Variants in TMEM161A observed in about 807,000 individuals in gnomAD.
The protein encoded by TMEM161A is transmembrane protein 161A, also known as adaptive response to oxidative stress protein 29.
Under a neutral mutation model 57.1 loss-of-function variants are expected in TMEM161A, and 46 were observed. The ratio of observed to expected loss-of-function variants is 0.81; its 90% CI spans 0.64 to 1.03. The LOEUF is 1.03. Ranked by LOEUF, TMEM161A falls within the 50% of genes least tolerant of loss-of-function variation. The pLI, the probability that TMEM161A is intolerant of heterozygous loss-of-function variation, is 0.00. For missense variants in TMEM161A, 601 were observed against 621.5 expected, an observed-to-expected ratio of 0.97 and a Z score of 0.35; for synonymous variants, 288 against 279.0, an observed-to-expected ratio of 1.03 and a Z score of -0.32.
chr19:19,121,546 G>C lies in TMEM161A; in HGVS notation c.779C>G (p.Ser260Trp), dbSNP rs148244636. The part of the protein sequence containing the change: ...AQTHRDALTM[S>W]EDRPMLQFLL... ...TAACTGCAGCATGGGTCTGTCCTCC[G>C]ACATGGTCAGTGCGTCCCGGTGGGT... The change falls in exon 8 of 12, where the codon TCG (serine) becomes TGG (tryptophan). Residue 260 changes from serine to tryptophan, a missense_variant. Coordinates refer to ENST00000162044, the MANE Select transcript of TMEM161A (RefSeq NM_017814.3). This position sits in a 1 kb window ranked among gnomAD's most constrained non-coding sequence, Gnocchi z 5.8. 7.8e-5 allele frequency: 126 copies of C among 1,613,818 alleles called. No homozygotes were observed. The highest frequency in any genetic ancestry group is 1.0e-4 in the Non-Finnish European group (120 of 1,179,980).
chr19:19,132,870 C>T lies in TMEM161A; in HGVS notation c.189-116G>A, dbSNP rs769036521. 2.3e-6 allele frequency: 2 copies of T among 887,276 alleles called. No individual in the cohort carries two copies. The highest frequency in any genetic ancestry group is 3.4e-6 in the Non-Finnish European group (2 of 589,624). The allele number at this position is 887,276 out of a possible 1,614,324, so 55.0% of individuals were successfully genotyped here. ...CCATCTCTTTCCACAACCTTGGCTC[C>T]TCTGCACACTGGGATATGGGGATCC... On this transcript the variant is annotated intron_variant, in intron 3 of 11. Coordinates refer to ENST00000162044, the MANE Select transcript of TMEM161A (RefSeq NM_017814.3). This position sits in a 1 kb window ranked among gnomAD's most constrained non-coding sequence, Gnocchi z 4.3.
At chr19:19,128,847 T>C (rs775181522) in intron 6 of TMEM161A, among the ~76,000 whole-genome samples, 1 of 152,138 alleles carries the variant, frequency 6.6e-6, no homozygotes, top group African/African-American at 2.4e-5. Flanking sequence ...CATCTAAATA[T>C]ACTTAATGCC....
At chr19:19,131,111 T>C (rs2059956199) in intron 5 of TMEM161A, among the ~76,000 whole-genome samples, 1 of 152,042 alleles carries the variant, frequency 6.6e-6, no homozygotes, top group Non-Finnish European at 1.5e-5. Flanking sequence ...TCCCAGCTAC[T>C]TGGGAGGCTG....
rs1423257723 is a variant in TMEM161A at position 19,132,076 on chromosome 19, G to A, written c.443+276C>T. 6.6e-6 allele frequency among the ~76,000 whole-genome samples: 1 copy of A among 152,174 alleles called. No individual in the cohort carries two copies. The highest frequency in any genetic ancestry group is 1.5e-5 in the Non-Finnish European group (1 of 68,030). On this transcript the variant is annotated intron_variant, in intron 5 of 11. Coordinates refer to ENST00000162044, the MANE Select transcript of TMEM161A (RefSeq NM_017814.3). This position sits in a 1 kb window ranked among gnomAD's most constrained non-coding sequence, Gnocchi z 4.3. Reference sequence around the variant, plus strand: ...TGGTAGAAAGAATAGGGATGGGGTGGGTGACTTTGGGCAAGGCATTCCCTC... The same window carrying A: ...TGGTAGAAAGAATAGGGATGGGGTGAGTGACTTTGGGCAAGGCATTCCCTC...
intron 6 of TMEM161A, among the ~76,000 whole-genome samples, chr19:19,122,418 T>C (rs975324575): frequency 6.6e-6 from 1 of 152,160 alleles, no homozygotes; most frequent in African/African-American, 2.4e-5. Flanking sequence ...GAAGGACTCC[T>C]GCAGGAGAAA....
intron 6 of TMEM161A, among the ~76,000 whole-genome samples, chr19:19,126,695 C>A (rs2059932968): frequency 6.6e-6 from 1 of 152,028 alleles, no homozygotes. Context: ...CATGGCAAAA[C>A]CCCATCTCTA....
In TMEM161A at chr19:19,132,366, C is replaced by T. The variant is rs964132; in HGVS notation, c.429G>A (p.Thr143=). The change falls in exon 5 of 12, where the codon ACG becomes ACA. Residue 143 remains threonine, a synonymous_variant. Transcript: ENST00000162044. This position sits in a 1 kb window ranked among gnomAD's most constrained non-coding sequence, Gnocchi z 4.3. The part of the protein sequence containing the change: ...TNIAVFWCLL[T]VTFSIKMFLT... ...AGGAAGGATACATGGAGAAGGTCACCGTGAGCAGGCACCAGAACACAGCAA... is the reference window on the plus strand; with the variant it reads ...AGGAAGGATACATGGAGAAGGTCACTGTGAGCAGGCACCAGAACACAGCAA... 62,983 of 1,613,058 alleles carry T rather than the reference C, an allele frequency of 0.039. 3,716 individuals carry two copies. Among genetic ancestry groups the T allele is most frequent in the East Asian group, 0.32 (14,260 of 44,858 alleles).
At position 19,121,952 on chromosome 19, in the gene TMEM161A, T is replaced by A; in HGVS notation, c.596-133A>T. 1 of 959,534 alleles carries A rather than the reference T, an allele frequency of 1.0e-6. No individual in the cohort carries two copies. The highest frequency in any genetic ancestry group is 1.6e-5 in the South Asian group (1 of 62,238). The allele number at this position is 959,534 out of a possible 1,614,324, so 59.4% of individuals were successfully genotyped here. Reference sequence around the variant, plus strand: ...GAATGAACAAGGGTCTGCCAGGCCCTGAGCCAGGCACAAGGACAATTTTGT... The same window carrying A: ...GAATGAACAAGGGTCTGCCAGGCCCAGAGCCAGGCACAAGGACAATTTTGT... On this transcript the variant is annotated intron_variant, in intron 6 of 11. Transcript: ENST00000162044. This position sits in a 1 kb window ranked among gnomAD's most constrained non-coding sequence, Gnocchi z 5.8.
intron 2 of TMEM161A, among the ~76,000 whole-genome samples, chr19:19,133,566 G>A (rs144132681): frequency 4.1e-4 from 62 of 152,232 alleles, no homozygotes; most frequent in African/African-American, 1.1e-3. Context: ...CCACTTCCCC[G>A]GTTCAAGTGA....
At position 19,121,425 on chromosome 19, in the gene TMEM161A, G is replaced by A. The variant is rs1426274466; in HGVS notation, c.801-4C>T. 2 of 1,613,900 alleles carry A rather than the reference G, an allele frequency of 1.2e-6. No homozygotes were observed. Among genetic ancestry groups the A allele is most frequent in the Non-Finnish European group, 1.7e-6 (2 of 1,179,826 alleles). On this transcript the variant is annotated splice_polypyrimidine_tract_variant and splice_region_variant and intron_variant, in intron 8 of 11. Coordinates refer to ENST00000162044, the MANE Select transcript of TMEM161A (RefSeq NM_017814.3). The surrounding 1 kb of genome is among the most constrained non-coding windows in gnomAD (Gnocchi z 5.8). ...GAAGCTGGTGTGCAGGAGGAACCTG[G>A]GGGGTGAGGGCAGGAGGGAGTGAGG...
At chr19:19,120,639 A>G in intron 11 of TMEM161A, 126 bp downstream of exon 11, 2 of 856,464 alleles carry the variant, frequency 2.3e-6, no homozygotes, top group Admixed American at 2.1e-5. Flanking sequence ...CTGCCTTACC[A>G]CAGTCTCCGC....
Position 19,121,354 on chromosome 19 carries a change from G to C in TMEM161A, c.868C>G (p.Arg290Gly). The C allele has an allele frequency of 6.3e-7, 1 of 1,598,352 alleles. No individual in the cohort carries two copies. The stretch of plus-strand genomic sequence containing the variant: ...AACGGCGGCTGGTGCAGGAAGTCCC[G>C]TGCAATGGGCTTTGTCCAGAGCCAC... ...ILWLWTKPIA[R>G]DFLHQPPFGE... Residue 290 changes from arginine (R) to glycine (G), a missense_variant, in exon 9 of 12, where the codon CGG (arginine) becomes GGG (glycine). Physicochemically the swap from Arg to Gly is moderately radical, Grantham distance 125. Coordinates refer to ENST00000162044, the MANE Select transcript of TMEM161A (RefSeq NM_017814.3). This position sits in a 1 kb window ranked among gnomAD's most constrained non-coding sequence, Gnocchi z 5.8.
rs760060215 is a variant in TMEM161A at position 19,121,683 on chromosome 19, G to A, written c.657-15C>T. The A allele has an allele frequency of 6.2e-7, 1 of 1,612,764 alleles. No individual in the cohort carries two copies. The highest frequency in any genetic ancestry group is 2.2e-5 in the East Asian group (1 of 44,818). On this transcript the variant is annotated splice_polypyrimidine_tract_variant and intron_variant, in intron 7 of 11. Transcript: ENST00000162044. The surrounding 1 kb of genome is among the most constrained non-coding windows in gnomAD (Gnocchi z 5.8). ...CCACAGGAAGCCTAGGAGAACACCA[G>A]GTCACGAGCCTGCCTGGGGGACCCT...
In TMEM161A at chr19:19,132,835, G is replaced by A; in HGVS notation, c.189-81C>T. 2 of 1,172,452 alleles carry A rather than the reference G, an allele frequency of 1.7e-6. No homozygotes were observed. Among genetic ancestry groups the A allele is most frequent in the Non-Finnish European group, 2.4e-6 (2 of 838,988 alleles). The allele number at this position is 1,172,452 out of a possible 1,614,324, so 72.6% of individuals were successfully genotyped here. A position where few individuals can be genotyped will look rare whatever the true frequency, so the allele number is the denominator to read the frequency against. On this transcript the variant is annotated intron_variant, in intron 3 of 11. Coordinates refer to ENST00000162044, the MANE Select transcript of TMEM161A (RefSeq NM_017814.3). The surrounding 1 kb of genome is among the most constrained non-coding windows in gnomAD (Gnocchi z 4.3). ...GCCACCCTCAGAGCTCAGAGCAGCT[G>A]GCCTGGAGACCATCTCTTTCCACAA...
At position 19,120,834 on chromosome 19, in the gene TMEM161A, C is replaced by T; in HGVS notation, c.1117G>A (p.Val373Met). The change falls in exon 11 of 12, where the codon GTG becomes ATG. Residue 373 changes from valine (V) to methionine (M), a missense_variant. Transcript: ENST00000162044. ...RVVRVYCYVT[V>M]VSLQYLTPLI... ...GGCGTCAGGTACTGCAAGCTCACCA[C>T]GGTCACATAGCAGTAGACTCGGACC... is the stretch of plus-strand genomic sequence containing the variant. 1.9e-6 allele frequency: 3 copies of T among 1,613,418 alleles called. No homozygotes were observed. The highest frequency in any genetic ancestry group is 2.5e-6 in the Non-Finnish European group (3 of 1,180,020).
chr19:19,129,631 C>T (rs533967203), intron 6 of TMEM161A, among the ~76,000 whole-genome samples: 114 of 151,976 alleles, frequency 7.5e-4, no homozygotes, highest in Middle Eastern at 6.8e-3. Flanking sequence ...AAAGAGGCCA[C>T]ACACAGTGGC....
At chr19:19,128,533 ATT>A (rs755755153) in intron 6 of TMEM161A, among the ~76,000 whole-genome samples, 1,214 of 110,480 alleles carry the variant, frequency 0.011, 14 homozygotes, top group African/African-American at 0.038. Context: ...CCTGGCCTAC[ATT>A]TTTTTTTTTT....
intron 1 of TMEM161A, among the ~76,000 whole-genome samples, chr19:19,136,391 C>T (rs192598169): frequency 5.5e-4 from 84 of 152,252 alleles, no homozygotes; most frequent in African/African-American, 1.8e-3. Context: ...TGCGGTGGCT[C>T]GTGCCTGTAA....
chr19:19,124,858 G>C (rs1483407156), intron 6 of TMEM161A, among the ~76,000 whole-genome samples: 1 of 152,084 alleles, frequency 6.6e-6, no homozygotes, highest in African/African-American at 2.4e-5. Flanking sequence ...AGGAGGCTGA[G>C]GCAGAAGAAT....
Sources: allele counts gnomAD v4.1 joint callset (sites outside exome capture counted in the v4.1 genomes callset), GRCh38; gene constraint gnomAD v4.1.1; non-coding constraint Gnocchi (gnomAD v3.1); transcripts MANE v1.5; gene names NCBI Gene and HGNC (gene_info 2026-07-23, HGNC 2026-07-21).